Variants in XPR1 observed in about 807,000 individuals in gnomAD.
XPR1 encodes the protein xenotropic and polytropic retrovirus receptor 1, also known as solute carrier family 53 member 1.
A neutral mutation model predicts 87.5 loss-of-function variants in XPR1; 28 were observed. That is an observed-to-expected ratio of 0.32 (90% CI 0.24 to 0.44). The LOEUF is 0.44. Ranked by LOEUF, XPR1 falls within the 20% of genes least tolerant of loss-of-function variation. XPR1 has a pLI of 1.00. For missense variants in XPR1, 559 were observed against 862.3 expected (o/e 0.65, Z 4.41); for synonymous variants, 300 against 306.1 (o/e 0.98, Z 0.21).
chr1:180,652,874 T>C (rs1231436301), intron 1 of XPR1, among the ~76,000 whole-genome samples: 2 of 152,244 alleles, frequency 1.3e-5, no homozygotes, highest in Non-Finnish European at 1.5e-5. Flanking sequence ...TCGGAGCTGC[T>C]TACCTGGGTA....
chr1:180,682,630 T>C, intron 2 of XPR1, among the ~76,000 whole-genome samples: 1 of 152,122 alleles, frequency 6.6e-6, no homozygotes, highest in East Asian at 1.9e-4. Flanking sequence ...ACTATGTCTT[T>C]GTGTCACCTT....
chr1:180,827,153 C>CAAAAAAAAAAAAAAAAAAAA (rs11324246), intron 9 of XPR1, among the ~76,000 whole-genome samples: 1 of 66,910 alleles, frequency 1.5e-5, no homozygotes, highest in African/African-American at 6.1e-5. Context: ...GACTCCTTCT[C>CAAAAAAAAAAAAAAAAAAAA]AAAAAAAAAA....
chr1:180,674,096 T>A (rs1300961092), intron 1 of XPR1, among the ~76,000 whole-genome samples: 1 of 152,234 alleles, frequency 6.6e-6, no homozygotes, highest in Admixed American at 6.5e-5. Context: ...GCATGTATGA[T>A]CATGAATCAA....
At chr1:180,759,540 A>G (rs1438785623) in intron 2 of XPR1, among the ~76,000 whole-genome samples, 2 of 152,322 alleles carry the variant, frequency 1.3e-5, no homozygotes, top group Non-Finnish European at 1.5e-5. Flanking sequence ...TCCTCGACAC[A>G]TACACCCTCC....
intron 3 of XPR1, among the ~76,000 whole-genome samples, chr1:180,790,890 G>A (rs918853554): frequency 6.6e-6 from 1 of 151,924 alleles, no homozygotes; most frequent in Non-Finnish European, 1.5e-5. Flanking sequence ...TTTTCTGTAT[G>A]GGAAAAATAT....
At chr1:180,751,080 T>C (rs191438364) in intron 2 of XPR1, among the ~76,000 whole-genome samples, 4 of 152,178 alleles carry the variant, frequency 2.6e-5, no homozygotes, top group Non-Finnish European at 5.9e-5. Flanking sequence ...TTTATAGAAA[T>C]ACAGTTGAGT....
At chr1:180,696,704 T>C (rs1345059429) in intron 2 of XPR1, among the ~76,000 whole-genome samples, 1 of 152,146 alleles carries the variant, frequency 6.6e-6, no homozygotes, top group Non-Finnish European at 1.5e-5. Context: ...TGAAAGGACA[T>C]TGAATTTTAT....
At chr1:180,639,354 A>G (rs552079189) in intron 1 of XPR1, among the ~76,000 whole-genome samples, 1 of 152,154 alleles carries the variant, frequency 6.6e-6, no homozygotes. Flanking sequence ...TAATTAATCT[A>G]CTGTAAACAT....
At chr1:180,669,473 TC>T (rs1656085374) in intron 1 of XPR1, among the ~76,000 whole-genome samples, 1 of 151,938 alleles carries the variant, frequency 6.6e-6, no homozygotes, top group Non-Finnish European at 1.5e-5. Flanking sequence ...ACCTCCGCCT[TC>T]CGGGTTCAAG....
intron 3 of XPR1, among the ~76,000 whole-genome samples, chr1:180,795,179 A>T (rs955078511): frequency 2.6e-5 from 4 of 152,212 alleles, no homozygotes; most frequent in Admixed American, 1.3e-4. Flanking sequence ...AGAAAGAGTT[A>T]TTCTTCAATT....
chr1:180,768,934 T>G (rs1648393784), intron 2 of XPR1, among the ~76,000 whole-genome samples: 1 of 152,134 alleles, frequency 6.6e-6, no homozygotes, highest in South Asian at 2.1e-4. Flanking sequence ...CACATAGAAT[T>G]GAAAGAACAG....
At chr1:180,848,466 A>C (rs1040126727) in intron 11 of XPR1, among the ~76,000 whole-genome samples, 1 of 152,112 alleles carries the variant, frequency 6.6e-6, no homozygotes, top group East Asian at 1.9e-4. Context: ...CTCCAGTTCC[A>C]TCTGTTTTGC....
intron 1 of XPR1, among the ~76,000 whole-genome samples, chr1:180,659,797 G>T (rs963872349): frequency 6.6e-6 from 1 of 150,964 alleles, no homozygotes; most frequent in Non-Finnish European, 1.5e-5. Context: ...GATTACAGGC[G>T]TGAGCCACCA....
chr1:180,705,016 T>C (rs1408130072), intron 2 of XPR1, among the ~76,000 whole-genome samples: 1 of 151,666 alleles, frequency 6.6e-6, no homozygotes, highest in East Asian at 1.9e-4. Flanking sequence ...AGGATAAAAT[T>C]CTTTATTCTT....
At chr1:180,672,693 A>G (rs1656221292) in intron 1 of XPR1, among the ~76,000 whole-genome samples, 1 of 152,302 alleles carries the variant, frequency 6.6e-6, no homozygotes, top group South Asian at 2.1e-4. Flanking sequence ...TAATTTAAAA[A>G]CAGAATACAA....
chr1:180,873,685 A>T, intron 12 of XPR1, 118 bp from the exon 13 acceptor site: 1 of 1,105,650 alleles, frequency 9.0e-7, no homozygotes, highest in Non-Finnish European at 1.3e-6. Flanking sequence ...TTTCCTCTTG[A>T]GCCTGTGCTT....
intron 1 of XPR1, among the ~76,000 whole-genome samples, chr1:180,655,831 G>T (rs921768070): frequency 6.0e-5 from 9 of 150,412 alleles, no homozygotes; most frequent in African/African-American, 2.0e-4. Flanking sequence ...TTTAATTTTT[G>T]TGGATGCATA....
chr1:180,775,538 TTAATAA>T (rs746265227), intron 2 of XPR1, among the ~76,000 whole-genome samples: 1 of 152,222 alleles, frequency 6.6e-6, no homozygotes, highest in Admixed American at 6.5e-5. Context: ...AACTTCAGTC[TTAATAA>T]TAATTTTGAT....
chr1:180,675,541 A>G (rs1053073207), intron 1 of XPR1, among the ~76,000 whole-genome samples: 2 of 152,204 alleles, frequency 1.3e-5, no homozygotes, highest in African/African-American at 2.4e-5. Context: ...TTTCACAATT[A>G]TAACAGAAAT....
Sources: gnomAD v4.1 joint callset for allele counts (sites outside exome capture counted in the v4.1 genomes callset) on GRCh38, gnomAD v4.1.1 for gene constraint, MANE v1.5 for transcripts, NCBI Gene and HGNC (gene_info 2026-07-23, HGNC 2026-07-21) for gene names.